DPP10: variants seen among roughly 807,000 people sequenced by gnomAD.
DPP10 encodes the protein dipeptidyl peptidase like 10.
DPP10 carries 33 observed loss-of-function variants against 120.9 expected under a neutral mutation model. The ratio of observed to expected loss-of-function variants is 0.27; its 90% confidence interval spans 0.21 to 0.37. DPP10 has a LOEUF of 0.37. Among genes scored for constraint, DPP10 ranks in the 10% least tolerant of loss-of-function variants. The pLI is 1.00. For synonymous variants in DPP10, 337 were observed against 326.1 expected, an observed-to-expected ratio of 1.03 and a Z score of -0.36; for missense variants, 816 against 942.8, an observed-to-expected ratio of 0.87 and a Z score of 1.76.
intron 5 of DPP10, among the ~76,000 whole-genome samples, chr2:115,599,084 T>A (rs1050935508): frequency 3.9e-5 from 6 of 152,186 alleles, no homozygotes; most frequent in African/African-American, 1.4e-4. Flanking sequence ...CATATGTTAT[T>A]TTCACTGAGT....
chr2:115,280,417 C>G (rs2060110865), intron 1 of DPP10, among the ~76,000 whole-genome samples: 1 of 152,130 alleles, frequency 6.6e-6, no homozygotes, highest in Admixed American at 6.5e-5. Context: ...AAGCTGCACT[C>G]CGGAATTATA....
intron 1 of DPP10, among the ~76,000 whole-genome samples, chr2:114,654,319 T>G (rs1696817871): frequency 6.6e-6 from 1 of 152,186 alleles, no homozygotes; most frequent in Admixed American, 6.5e-5. Flanking sequence ...CATCGTTGTC[T>G]TGGAAATACT....
chr2:115,575,202 C>A (rs966368188), intron 5 of DPP10, among the ~76,000 whole-genome samples: 3 of 152,138 alleles, frequency 2.0e-5, no homozygotes, highest in African/African-American at 7.2e-5. Context: ...TAAGAGTCAC[C>A]TCAGGCATCA....
At chr2:114,875,663 G>A (rs894841596) in intron 1 of DPP10, among the ~76,000 whole-genome samples, 1 of 152,018 alleles carries the variant, frequency 6.6e-6, no homozygotes, top group African/African-American at 2.4e-5. Flanking sequence ...ACAAGCAGGT[G>A]GAGACAGTTA....
At chr2:115,834,318 A>G (rs1409470384) in intron 21 of DPP10, among the ~76,000 whole-genome samples, 1 of 152,198 alleles carries the variant, frequency 6.6e-6, no homozygotes, top group Non-Finnish European at 1.5e-5. Context: ...ACCACACTTG[A>G]GTCATCTGAA....
intron 1 of DPP10, among the ~76,000 whole-genome samples, chr2:115,228,913 C>T (rs1477861754): frequency 6.6e-6 from 1 of 152,028 alleles, no homozygotes; most frequent in Non-Finnish European, 1.5e-5. Flanking sequence ...GTTGCTGGAT[C>T]TTATAATAGC....
chr2:114,542,965 A>G (rs746552232), intron 1 of DPP10, among the ~76,000 whole-genome samples: 1 of 152,148 alleles, frequency 6.6e-6, no homozygotes, highest in Admixed American at 6.5e-5. Flanking sequence ...GCTTCATTCA[A>G]ATAAGCCCTG....
At position 115,124,369 on chromosome 2, in the gene DPP10, A is replaced by G. The variant is rs187168176; in HGVS notation, c.61-184870A>G. ...CACCTCTGCACACCTCTCCAGCCAT[A>G]TCTTTGCTATTCACTGTCTCCCTCA... On this transcript the variant is annotated intron_variant, in intron 1 of 25. Coordinates refer to ENST00000410059, the MANE Select transcript of DPP10 (RefSeq NM_020868.6). Among the ~76,000 whole-genome samples the G allele has an allele frequency of 2.6e-5, 4 of 152,310 alleles. No homozygotes were observed. In the East Asian group the frequency reaches 5.8e-4, roughly 22 times the overall value.
At chr2:114,994,503 C>T (rs1158159041) in intron 1 of DPP10, among the ~76,000 whole-genome samples, 1 of 152,168 alleles carries the variant, frequency 6.6e-6, no homozygotes, top group African/African-American at 2.4e-5. Flanking sequence ...CTCTGGACCT[C>T]TCACTCTTCC....
At chr2:115,745,130 C>G (rs973469831) in intron 9 of DPP10, among the ~76,000 whole-genome samples, 3 of 150,302 alleles carry the variant, frequency 2.0e-5, no homozygotes, top group African/African-American at 7.3e-5. Flanking sequence ...TTTGGCAAAA[C>G]TTTGAAGGCC....
At chr2:115,748,102 C>T (rs1310600519) in intron 10 of DPP10, among the ~76,000 whole-genome samples, 3 of 151,894 alleles carry the variant, frequency 2.0e-5, no homozygotes, top group Admixed American at 2.0e-4. Flanking sequence ...AATCAAATGT[C>T]CTCTCTTCTC....
In DPP10 at chr2:114,815,666, C is replaced by T. The variant is rs115275098; in HGVS notation, c.60+372828C>T. ...CAGTCATCACTAAATACGTAGAAGA[C>T]GCATTCAGGGAATACACTGTCTTTC... On this transcript the variant is annotated intron_variant, in intron 1 of 25. Transcript: ENST00000410059. 6.7e-3 allele frequency among the ~76,000 whole-genome samples: 1,017 copies of T among 152,232 alleles called. 11 individuals are homozygous for T. The highest frequency in any genetic ancestry group is 0.023 in the African/African-American group (944 of 41,554).
rs188264397 is a variant in DPP10, at chr2:115,591,459, G to A, written c.441+65487G>A. On this transcript the variant is annotated intron_variant, in intron 5 of 25. Coordinates refer to ENST00000410059, the MANE Select transcript of DPP10 (RefSeq NM_020868.6). ...TTGTCAGGTTTTTCAAAGATCAGAT[G>A]GTTGTAGATGTGTGGTATTATTTCT... Among the ~76,000 whole-genome samples the A allele has an allele frequency of 3.1e-3, 472 of 152,280 alleles. 2 individuals carry two copies. Among genetic ancestry groups the A allele is most frequent in the African/African-American group, 0.011 (449 of 41,564 alleles).
chr2:114,620,108 A>G (rs1693982860), intron 1 of DPP10, among the ~76,000 whole-genome samples: 1 of 151,926 alleles, frequency 6.6e-6, no homozygotes, highest in Admixed American at 6.6e-5. Context: ...TTTTTTTATT[A>G]GACTATAAAA....
intron 1 of DPP10, among the ~76,000 whole-genome samples, chr2:114,721,447 A>G (rs1304153792): frequency 6.6e-6 from 1 of 152,248 alleles, no homozygotes; most frequent in African/African-American, 2.4e-5. Context: ...GAAAATTTGA[A>G]TAGACTTTTC....
intron 3 of DPP10, among the ~76,000 whole-genome samples, chr2:115,454,260 C>A (rs897279778): frequency 2.0e-5 from 3 of 151,460 alleles, no homozygotes; most frequent in Non-Finnish European, 1.5e-5. Flanking sequence ...CACAAGGAAA[C>A]ACAACCAAAC....
intron 1 of DPP10, among the ~76,000 whole-genome samples, chr2:114,524,377 G>A (rs1685323254): frequency 6.6e-6 from 1 of 152,194 alleles, no homozygotes; most frequent in Non-Finnish European, 1.5e-5. Flanking sequence ...TGACAGAAGA[G>A]CCACTGATGC....
At chr2:115,138,610 G>A (rs1274487668) in intron 1 of DPP10, among the ~76,000 whole-genome samples, 1 of 152,160 alleles carries the variant, frequency 6.6e-6, no homozygotes, top group African/African-American at 2.4e-5. Flanking sequence ...TAACTCTTAT[G>A]AGTGAGAATG....
chr2:115,537,563 G>GT (rs11392457), intron 5 of DPP10, among the ~76,000 whole-genome samples: 96,916 of 128,550 alleles, frequency 0.75, 37,826 homozygotes, highest in Non-Finnish European at 0.84. Context: ...ACACATCACT[G>GT]TTTTTTTTTT....
Sources: gnomAD v4.1 joint callset for allele counts (sites outside exome capture counted in the v4.1 genomes callset) on GRCh38, gnomAD v4.1.1 for gene constraint, MANE v1.5 for transcripts, NCBI Gene and HGNC (gene_info 2026-07-23, HGNC 2026-07-21) for gene names.